LRIG3: variants seen among roughly 807,000 people sequenced by gnomAD.
The protein encoded by LRIG3 is leucine rich repeats and immunoglobulin like domains 3, also known as leucine-rich repeats and immunoglobulin-like domains protein 3.
In LRIG3, 76 loss-of-function variants were observed where a neutral mutation model predicts 114.5. The observed-to-expected ratio is 0.66, with a 90% CI of 0.55 to 0.80. The LOEUF (loss-of-function observed/expected upper bound fraction) is 0.80, where lower values mean the gene tolerates loss of function less well. Among genes scored for constraint, LRIG3 ranks in the 30% least tolerant of loss-of-function variants. The probability of loss-of-function intolerance (pLI) is 0.00; values close to 1 mark genes in which losing one functional copy is unlikely to be tolerated. For missense variants in LRIG3, 1,239 were observed against 1,382.8 expected (o/e 0.90, Z 1.65); for synonymous variants, 512 against 519.8 (o/e 0.98, Z 0.20).
At chr12:58,880,415 C>T (rs144337580) in intron 13 of LRIG3, 166 bp downstream of exon 13, 2 of 772,368 alleles carry the variant, frequency 2.6e-6, no homozygotes, top group Admixed American at 2.0e-5. Context: ...GGTTTAGATA[C>T]AAATAACCAA....
rs11172816 is a variant in LRIG3 at position 58,903,841 on chromosome 12, G to C, written c.383+10141C>G. Among the ~76,000 whole-genome samples the C allele has an allele frequency of 6.9e-4, 105 of 151,894 alleles. 1 individual carries two copies. Among genetic ancestry groups the C allele is most frequent in the Middle Eastern group, 3.4e-3 (1 of 294 alleles). On this transcript the variant is annotated intron_variant, in intron 3 of 18. Coordinates refer to ENST00000320743, the MANE Select transcript of LRIG3 (RefSeq NM_153377.5). ...ATAGGGAATCCTTTCCCCATTGCTT[G>C]TTTTTCTCAGGTTTGTCCAAGATCA...
intron 10 of LRIG3, among the ~76,000 whole-genome samples, chr12:58,885,399 C>T (rs1199252336): frequency 2.6e-5 from 4 of 152,066 alleles, no homozygotes; most frequent in Non-Finnish European, 5.9e-5. Context: ...TCAATAAACT[C>T]TTAGAACCTC....
intron 13 of LRIG3, 178 bp downstream of exon 13, chr12:58,880,403 C>G (rs755734016): frequency 1.4e-6 from 1 of 724,684 alleles, no homozygotes; most frequent in South Asian, 1.5e-5. Context: ...AACATAATTG[C>G]AGGTTTAGAT....
At chr12:58,888,997 CAATT>C in intron 5 of LRIG3, 35 bp from the exon 6 acceptor site, 1 of 1,589,158 alleles carries the variant, frequency 6.3e-7, no homozygotes. Flanking sequence ...GCTTATATGA[CAATT>C]AAATTCTGGA....
intron 3 of LRIG3, among the ~76,000 whole-genome samples, chr12:58,913,078 A>G (rs1022819919): frequency 1.3e-5 from 2 of 152,162 alleles, no homozygotes; most frequent in Non-Finnish European, 2.9e-5. Flanking sequence ...ACCAGATGTA[A>G]GCAATTGGGT....
chr12:58,908,047 C>T (rs953387153), intron 3 of LRIG3, among the ~76,000 whole-genome samples: 8 of 152,200 alleles, frequency 5.3e-5, no homozygotes, highest in African/African-American at 1.9e-4. Flanking sequence ...TACTCCCTAC[C>T]ACCCAGTATT....
At position 58,920,332 on chromosome 12, in the gene LRIG3, G is replaced by C. The variant is rs2121007281; in HGVS notation, c.-97C>G. On this transcript the variant is annotated 5_prime_UTR_variant, in exon 1 of 19. Transcript: ENST00000320743. ...CAGCCGAGGGTGCACGCCCGCCCTC[G>C]CGGTCGCGTGCGCGCTCCTCCCTCG... The C allele has an allele frequency of 1.2e-6, 1 of 868,950 alleles. No individual in the cohort carries two copies. The highest frequency in any genetic ancestry group is 3.4e-5 in the East Asian group (1 of 29,170). 53.8% of individuals were successfully genotyped at this position (868,950 alleles called of 1,614,324 possible). A position where few individuals can be genotyped will look rare whatever the true frequency, so the allele number is the denominator to read the frequency against.
chr12:58,887,853 C>T lies in LRIG3; in HGVS notation c.1027G>A (p.Gly343Arg). The part of the protein sequence containing the change: ...GLSLLNTLHI[G>R]NNRVSYIADC... ...GCAATGTAGCTGACTCTGTTGTTCC[C>T]AATGTGCAGTGTATTTAGTAAGCTT... Residue 343 changes from glycine to arginine, a missense_variant, in exon 8 of 19, where the codon GGG (glycine) becomes AGG (arginine). By Grantham distance (125) the Gly-to-Arg change is moderately radical. Transcript: ENST00000320743. 2 of 1,613,802 alleles carry T rather than the reference C, an allele frequency of 1.2e-6. No homozygotes were observed. The highest frequency in any genetic ancestry group is 1.7e-6 in the Non-Finnish European group (2 of 1,179,836).
intron 13 of LRIG3, chr12:58,880,299 C>CAA (rs11442337): frequency 0.036 from 12,256 of 335,844 alleles, 105 homozygotes; most frequent in Non-Finnish European, 0.046. Flanking sequence ...GATTCCGTCT[C>CAA]AAAAAAAAAA....
chr12:58,920,168 C>T lies in LRIG3; in HGVS notation c.68G>A (p.Arg23His). ...LGLLLCAVLG[R>H]AGRSDSGGRG... ...ACCGCCGCTGTCTGACCGGCCAGCGCGCCCCAGCACCGCGCACAGCAGCAG... is the reference window on the plus strand; with the variant it reads ...ACCGCCGCTGTCTGACCGGCCAGCGTGCCCCAGCACCGCGCACAGCAGCAG... The change falls in exon 1 of 19, where the codon CGC (arginine) becomes CAC (histidine). Residue 23 changes from arginine (R) to histidine (H), a missense_variant. Coordinates refer to ENST00000320743, the MANE Select transcript of LRIG3 (RefSeq NM_153377.5). The T allele has an allele frequency of 6.5e-7, 1 of 1,537,382 alleles. No individual in the cohort carries two copies. Among genetic ancestry groups the T allele is most frequent in the East Asian group, 2.5e-5 (1 of 40,710 alleles).
Position 58,877,716 on chromosome 12 carries a change from G to C in LRIG3, c.2220C>G (p.Thr740=). The C allele has an allele frequency of 6.2e-7, 1 of 1,614,148 alleles. No homozygotes were observed. ...WTKDDSPLVV[T]ERHFFAAGNQ... ...TGCCTGCTGCAAAAAAGTGCCTCTC[G>C]GTTACCACCAATGGGCTATCATCTT... The change falls in exon 15 of 19, where the codon ACC becomes ACG. Residue 740 remains threonine (T), a synonymous_variant. Coordinates refer to ENST00000320743, the MANE Select transcript of LRIG3 (RefSeq NM_153377.5).
At chr12:58,888,791 A>T in intron 6 of LRIG3, 28 bp downstream of exon 6, 7 of 1,611,286 alleles carry the variant, frequency 4.3e-6, no homozygotes, top group Non-Finnish European at 5.9e-6. Context: ...ATACTACCTC[A>T]GTAGGAACTG....
At chr12:58,919,454 A>G (rs1872592901) in intron 1 of LRIG3, 1 of 1,551,618 alleles carries the variant, frequency 6.4e-7, no homozygotes, top group Admixed American at 2.0e-5. Context: ...AAGCAAGCAG[A>G]GGGAGAACAA....
chr12:58,891,855 A>C (rs1346797757), intron 3 of LRIG3, among the ~76,000 whole-genome samples: 2 of 152,148 alleles, frequency 1.3e-5, no homozygotes, highest in Non-Finnish European at 2.9e-5. Flanking sequence ...AGGCTCTTTA[A>C]ATTTAAATTA....
rs1204997942 is a variant in LRIG3, at chr12:58,876,532, C to A, written c.2608G>T (p.Gly870Trp). 1 of 1,614,020 alleles carries A rather than the reference C, an allele frequency of 6.2e-7. No homozygotes were observed. ...CTTCCACTTTCTGAAGACACGTACCCATCCTGCCTGTCAGCTAACGTTCCC... is the reference window on the plus strand; with the variant it reads ...CTTCCACTTTCTGAAGACACGTACCAATCCTGCCTGTCAGCTAACGTTCCC... Reference protein sequence around the residue: ...SQGTLADRQDGYVSSESGSHH... With the variant: ...SQGTLADRQDWYVSSESGSHH... Residue 870 changes from glycine (G) to tryptophan (W), a missense_variant, in exon 16 of 19, where the codon GGG (glycine) becomes TGG (tryptophan). By Grantham distance (184) the Gly-to-Trp change is radical. Coordinates refer to ENST00000320743, the MANE Select transcript of LRIG3 (RefSeq NM_153377.5).
At chr12:58,880,373 C>A in intron 13 of LRIG3, 1 of 692,268 alleles carries the variant, frequency 1.4e-6, no homozygotes. Flanking sequence ...ACTCACCACA[C>A]TGAGTACGGT....
At chr12:58,880,461 GAAGA>G in intron 13 of LRIG3, 116 bp downstream of exon 13, 1 of 976,366 alleles carries the variant, frequency 1.0e-6, no homozygotes, top group South Asian at 1.4e-5. Context: ...GTAGGGAAAG[GAAGA>G]GTCAGGTGGG....
intron 3 of LRIG3, among the ~76,000 whole-genome samples, chr12:58,906,829 A>G (rs1565622700): frequency 6.6e-6 from 1 of 152,122 alleles, no homozygotes; most frequent in Non-Finnish European, 1.5e-5. Context: ...ATTTGTTTTT[A>G]TCCACTTGAT....
chr12:58,905,768 C>G (rs1872041075), intron 3 of LRIG3, among the ~76,000 whole-genome samples: 1 of 152,182 alleles, frequency 6.6e-6, no homozygotes, highest in African/African-American at 2.4e-5. Context: ...CCCCTTGACA[C>G]AAGATGCCCT....
Sources: gnomAD v4.1 joint callset for allele counts (sites outside exome capture counted in the v4.1 genomes callset) on GRCh38, gnomAD v4.1.1 for gene constraint, MANE v1.5 for transcripts, NCBI Gene and HGNC (gene_info 2026-07-23, HGNC 2026-07-21) for gene names.